TRIO: variants seen among roughly 807,000 people sequenced by gnomAD.
TRIO encodes triple functional domain protein.
Under a neutral mutation model 351.9 loss-of-function variants are expected in TRIO, and 58 were observed. The ratio of observed to expected loss-of-function variants is 0.16; its 90% CI spans 0.13 to 0.21. TRIO has a LOEUF of 0.21. TRIO is among the 10% of genes least tolerant of loss of function. TRIO has a pLI of 1.00. For synonymous variants in TRIO, 1,758 were observed against 1,595.7 expected (o/e 1.10, Z -2.42); for missense variants, 3,201 against 4,027.8 (o/e 0.79, Z 5.56).
Position 14,225,803 on chromosome 5 carries a change from C to CG in TRIO, c.158-45022_158-45021insG, listed in dbSNP as rs1554036808. Among the ~76,000 whole-genome samples, 10 of 143,206 alleles carry CG rather than the reference C, an allele frequency of 7.0e-5. 1 individual carries two copies. In the East Asian group the frequency reaches 8.1e-4, roughly 12 times the overall value. 93.9% of individuals were successfully genotyped at this position (143,206 alleles called of 152,430 possible). On this transcript the variant is annotated intron_variant, in intron 1 of 56. Coordinates refer to ENST00000344204, the MANE Select transcript of TRIO (RefSeq NM_007118.4). Reference sequence around the variant, plus strand: ...TATTCACTGCTCCCACCCCCCCCCCCACCTCCAAGCCCAAAAGGATGATAC... The same window carrying CG: ...TATTCACTGCTCCCACCCCCCCCCCCGACCTCCAAGCCCAAAAGGATGATAC...
At chr5:14,180,698 C>T (rs1789714547) in intron 1 of TRIO, among the ~76,000 whole-genome samples, 1 of 152,078 alleles carries the variant, frequency 6.6e-6, no homozygotes, top group African/African-American at 2.4e-5. Context: ...GGTGTGGTGG[C>T]ACGCAGTTGC....
chr5:14,312,566 A>T (rs973987385), intron 8 of TRIO, among the ~76,000 whole-genome samples: 1 of 152,246 alleles, frequency 6.6e-6, no homozygotes, highest in Non-Finnish European at 1.5e-5. Context: ...AAATTATTAT[A>T]GGAAAGTCCT....
chr5:14,169,600 G>A (rs32593), intron 1 of TRIO, among the ~76,000 whole-genome samples: 102,670 of 152,140 alleles, frequency 0.67, 36,337 homozygotes, highest in African/African-American at 0.9. Context: ...GTTATTCATC[G>A]AACACACACG....
intron 36 of TRIO, among the ~76,000 whole-genome samples, chr5:14,463,245 G>A (rs1399668904): frequency 6.6e-6 from 1 of 152,214 alleles, no homozygotes. Context: ...ATCCCTGAGA[G>A]AACAATCAGA....
chr5:14,289,767 T>A (rs1170330146), intron 4 of TRIO, among the ~76,000 whole-genome samples: 1 of 152,064 alleles, frequency 6.6e-6, no homozygotes, highest in East Asian at 1.9e-4. Context: ...GGAGATCACT[T>A]GAACCTGGGA....
rs199512504 is a variant in TRIO at position 14,349,020 on chromosome 5, GTTTA to G, written c.2047-9152_2047-9149del. ...GCACATGAGCATGTTTTTCTTGTGT[GTTTA>G]TTTATGTGTACGCACGTGAGCATGT... On this transcript the variant is annotated intron_variant, in intron 11 of 56. Transcript: ENST00000344204. Among the ~76,000 whole-genome samples the G allele has an allele frequency of 6.9e-3, 1,029 of 148,124 alleles. 7 individuals carry two copies. Among genetic ancestry groups the G allele is most frequent in the Non-Finnish European group, 0.011 (714 of 67,292 alleles).
chr5:14,150,805 A>G (rs1206797025), intron 1 of TRIO, among the ~76,000 whole-genome samples: 1 of 152,208 alleles, frequency 6.6e-6, no homozygotes, highest in African/African-American at 2.4e-5. Flanking sequence ...ATACTTTGCT[A>G]TGTAGGACCT....
intron 30 of TRIO, among the ~76,000 whole-genome samples, chr5:14,399,872 T>C (rs1474388212): frequency 6.6e-6 from 1 of 152,150 alleles, no homozygotes; most frequent in African/African-American, 2.4e-5. Flanking sequence ...TAAGGAGGAA[T>C]CATCATCAAG....
chr5:14,214,544 GA>G (rs554702529), intron 1 of TRIO, among the ~76,000 whole-genome samples: 13 of 152,058 alleles, frequency 8.5e-5, no homozygotes, highest in Non-Finnish European at 1.6e-4. Flanking sequence ...AAGGTTAGGG[GA>G]AAAAAATCTG....
At chr5:14,266,415 A>C (rs371595242) in intron 1 of TRIO, among the ~76,000 whole-genome samples, 1 of 152,274 alleles carries the variant, frequency 6.6e-6, no homozygotes. Flanking sequence ...AGGGAGCAAA[A>C]CAGACATGTC....
chr5:14,474,939 T>A (rs1250129910), intron 40 of TRIO, among the ~76,000 whole-genome samples: 1 of 152,104 alleles, frequency 6.6e-6, no homozygotes, highest in African/African-American at 2.4e-5. Flanking sequence ...CCTCCCAAAG[T>A]GCTGGGATTA....
intron 1 of TRIO, among the ~76,000 whole-genome samples, chr5:14,147,919 A>G (rs1343416962): frequency 6.6e-6 from 1 of 152,168 alleles, no homozygotes; most frequent in Non-Finnish European, 1.5e-5. Flanking sequence ...AAGGAAATGT[A>G]ATTTGATAGT....
chr5:14,377,942 T>C (rs1745713756), intron 19 of TRIO, 70 bp from the exon 20 acceptor site: 2 of 1,189,716 alleles, frequency 1.7e-6, no homozygotes, highest in African/African-American at 1.5e-5. Context: ...TAAATAAAAA[T>C]GAATGGAATT....
intron 1 of TRIO, among the ~76,000 whole-genome samples, chr5:14,158,818 G>A (rs1205529634): frequency 3.3e-5 from 5 of 152,218 alleles, no homozygotes; most frequent in Admixed American, 2.0e-4. Context: ...GCAACAGAGC[G>A]ATGACACGCT....
rs756666778 is a variant in TRIO, at chr5:14,504,290, A to G, written c.8412-103A>G. The G allele has an allele frequency of 3.1e-4, 399 of 1,280,806 alleles. 1 individual carries two copies. Among genetic ancestry groups the G allele is most frequent in the Admixed American group, 1.3e-3 (65 of 51,992 alleles). The allele number at this position is 1,280,806 out of a possible 1,614,324, so 79.3% of individuals were successfully genotyped here. A position where few individuals can be genotyped will look rare whatever the true frequency, so the allele number is the denominator to read the frequency against. On this transcript the variant is annotated intron_variant, in intron 54 of 56. Transcript: ENST00000344204. The stretch of plus-strand genomic sequence containing the variant: ...GGCCGGGAGAGCAGGGCCTCTGGAC[A>G]GGGCTGGGCCACCACACAGCCAGTC...
chr5:14,488,327 C>G, intron 48 of TRIO, 67 bp downstream of exon 48: 1 of 1,500,524 alleles, frequency 6.7e-7, no homozygotes, highest in Non-Finnish European at 8.9e-7. Flanking sequence ...CTAAACGCCA[C>G]CGCGGCTGTT....
intron 6 of TRIO, among the ~76,000 whole-genome samples, chr5:14,295,711 TG>T (rs1737303894): frequency 6.6e-6 from 1 of 152,174 alleles, no homozygotes; most frequent in South Asian, 2.1e-4. Context: ...AGAATGCACT[TG>T]GGAATGGGAG....
intron 1 of TRIO, among the ~76,000 whole-genome samples, chr5:14,246,013 C>T (rs926400509): frequency 2.0e-5 from 3 of 152,168 alleles, no homozygotes; most frequent in Non-Finnish European, 2.9e-5. Context: ...GAGTAACTCC[C>T]GGTTAACGAT....
intron 13 of TRIO, among the ~76,000 whole-genome samples, chr5:14,362,082 C>T (rs928354785): frequency 1.3e-5 from 2 of 152,176 alleles, no homozygotes; most frequent in African/African-American, 4.8e-5. Context: ...CCATTGCACT[C>T]CAGCCTGGGT....
Sources: gnomAD v4.1 joint callset for allele counts (sites outside exome capture counted in the v4.1 genomes callset) on GRCh38, gnomAD v4.1.1 for gene constraint, MANE v1.5 for transcripts, NCBI Gene and HGNC (gene_info 2026-07-23, HGNC 2026-07-21) for gene names.